The following UBE2D3 variants were observed in gnomAD, a reference collection of about 807,000 sequenced individuals.
UBE2D3 encodes ubiquitin-conjugating enzyme E2 D3.
UBE2D3 carries 2 observed loss-of-function variants against 22.8 expected under a neutral mutation model. The observed-to-expected ratio is 0.09, with a 90% CI of 0.04 to 0.28. UBE2D3 has a LOEUF of 0.28. Ranked by LOEUF, UBE2D3 falls within the 10% of genes least tolerant of loss-of-function variation. The pLI is 1.00. For missense variants in UBE2D3, 27 were observed against 182.5 expected, an observed-to-expected ratio of 0.15 and a Z score of 4.91; for synonymous variants, 56 against 60.4, an observed-to-expected ratio of 0.93 and a Z score of 0.34.
chr4:102,795,282 T>C lies in UBE2D3; in HGVS notation c.*2133A>G, dbSNP rs926325543. ...TATAAAGGTCAATTTGAAAGCCAGTTAGGGATCCACCGTGTTTCATAAAAG... is the reference window on the plus strand; with the variant it reads ...TATAAAGGTCAATTTGAAAGCCAGTCAGGGATCCACCGTGTTTCATAAAAG... On this transcript the variant is annotated 3_prime_UTR_variant, in exon 8 of 8. Coordinates refer to ENST00000453744, the MANE Select transcript of UBE2D3 (RefSeq NM_181891.3). The C allele has an allele frequency of 9.9e-5, 15 of 152,074 alleles. No individual in the cohort carries two copies. The highest frequency in any genetic ancestry group is 7.2e-4 in the Admixed American group (11 of 15,242). 9.4% of individuals were successfully genotyped at this position (152,074 alleles called of 1,614,324 possible).
chr4:102,851,831 T>A (rs1350714987), intron 1 of UBE2D3, among the ~76,000 whole-genome samples: 1 of 152,050 alleles, frequency 6.6e-6, no homozygotes, highest in East Asian at 1.9e-4. Flanking sequence ...CACACCTGGC[T>A]AATTTTTTTG....
chr4:102,858,974 A>G (rs1432136931), intron 1 of UBE2D3, among the ~76,000 whole-genome samples: 8 of 151,952 alleles, frequency 5.3e-5, no homozygotes, highest in African/African-American at 1.4e-4. Flanking sequence ...ATGTAACTCT[A>G]TACTTCCCTT....
At chr4:102,863,921 T>C (rs1016152466) in intron 1 of UBE2D3, among the ~76,000 whole-genome samples, 1 of 152,206 alleles carries the variant, frequency 6.6e-6, no homozygotes, top group Admixed American at 6.5e-5. Context: ...TCAATAGCCA[T>C]GTTATTAGTA....
chr4:102,868,875 C>G (rs1733320853), exon 1 of UBE2D3: 1 of 1,508,696 alleles, frequency 6.6e-7, no homozygotes. Flanking sequence ...CGCCAGTTCC[C>G]GCGCCTCGGC....
chr4:102,865,491 C>CAAAAAAAA, intron 1 of UBE2D3, among the ~76,000 whole-genome samples: 1 of 66,728 alleles, frequency 1.5e-5, no homozygotes, highest in Non-Finnish European at 3.1e-5. Context: ...CTGTCTCAAC[C>CAAAAAAAA]AAAAAAAAAA....
chr4:102,866,867 T>G (rs927904325), intron 1 of UBE2D3, among the ~76,000 whole-genome samples: 2 of 152,184 alleles, frequency 1.3e-5, no homozygotes, highest in Non-Finnish European at 2.9e-5. Context: ...TATCTAGTTG[T>G]ACCCAAGGGT....
At chr4:102,827,014 C>G in intron 1 of UBE2D3, 1 of 993,772 alleles carries the variant, frequency 1.0e-6, no homozygotes, top group Non-Finnish European at 1.2e-6. Flanking sequence ...AGACTCCGGA[C>G]GGACGCCGGG....
intron 1 of UBE2D3, among the ~76,000 whole-genome samples, chr4:102,846,086 T>C (rs1732027886): frequency 6.6e-6 from 1 of 152,162 alleles, no homozygotes; most frequent in Admixed American, 6.5e-5. Flanking sequence ...CCACTGTGTC[T>C]GTCTTGTCTC....
chr4:102,845,950 C>A (rs1325591876), intron 1 of UBE2D3, among the ~76,000 whole-genome samples: 1 of 152,068 alleles, frequency 6.6e-6, no homozygotes, highest in Non-Finnish European at 1.5e-5. Flanking sequence ...ACCATCACAC[C>A]CAGCTAATTT....
intron 1 of UBE2D3, among the ~76,000 whole-genome samples, chr4:102,850,154 A>T (rs1325289860): frequency 6.6e-6 from 1 of 152,218 alleles, no homozygotes; most frequent in Non-Finnish European, 1.5e-5. Context: ...TGGTGAAAAT[A>T]TACATTACAT....
chr4:102,843,344 G>C (rs765064365), intron 1 of UBE2D3: 3 of 151,394 alleles, frequency 2.0e-5, no homozygotes, highest in Non-Finnish European at 2.9e-5. Flanking sequence ...CTTGCTACTG[G>C]TACCTGGAAG....
intron 1 of UBE2D3, among the ~76,000 whole-genome samples, chr4:102,853,781 A>G (rs895366769): frequency 1.3e-5 from 2 of 152,176 alleles, no homozygotes; most frequent in Non-Finnish European, 2.9e-5. Context: ...TGAATGAACT[A>G]TCTATTCAAA....
intron 1 of UBE2D3, among the ~76,000 whole-genome samples, chr4:102,837,741 G>A (rs1297291921): frequency 2.0e-5 from 3 of 152,186 alleles, no homozygotes; most frequent in Non-Finnish European, 2.9e-5. Context: ...CACGAGGTCA[G>A]GAGATCGAGA....
intron 1 of UBE2D3, among the ~76,000 whole-genome samples, chr4:102,849,422 C>T (rs223359): frequency 0.55 from 81,370 of 149,018 alleles, 22,690 homozygotes; most frequent in African/African-American, 0.68. Context: ...ATTAATAATT[C>T]TGTTTATCAA....
At chr4:102,825,423 G>A (rs796192957) in intron 2 of UBE2D3, 2 of 1,098,434 alleles carry the variant, frequency 1.8e-6, no homozygotes, top group East Asian at 7.7e-5. Context: ...GAGGATCTTA[G>A]AGCAGTGCAC....
chr4:102,867,953 T>G (rs1430016814), intron 1 of UBE2D3, among the ~76,000 whole-genome samples: 1 of 152,158 alleles, frequency 6.6e-6, no homozygotes, highest in Admixed American at 6.5e-5. Context: ...AGTGTATTTA[T>G]GTGTGGCCCA....
At chr4:102,823,033 C>T (rs181618873) in intron 2 of UBE2D3, among the ~76,000 whole-genome samples, 2 of 152,322 alleles carry the variant, frequency 1.3e-5, no homozygotes, top group Admixed American at 1.3e-4. Flanking sequence ...AGTTGTGTGA[C>T]TAGACGACTA....
intron 6 of UBE2D3, among the ~76,000 whole-genome samples, chr4:102,801,135 C>T (rs754608166): frequency 4.6e-5 from 7 of 151,684 alleles, no homozygotes; most frequent in African/African-American, 1.4e-4. Context: ...GTAAAAAGGC[C>T]GCAAGTTAGT....
chr4:102,801,262 T>C (rs1726109577), intron 6 of UBE2D3, among the ~76,000 whole-genome samples, 192 bp downstream of exon 6: 1 of 151,968 alleles, frequency 6.6e-6, no homozygotes, highest in African/African-American at 2.4e-5. Flanking sequence ...CTCACCACAA[T>C]TTGAATTTTA....
Sources: allele counts gnomAD v4.1 joint callset (sites outside exome capture counted in the v4.1 genomes callset), GRCh38; gene constraint gnomAD v4.1.1; transcripts MANE v1.5; gene names NCBI Gene and HGNC (gene_info 2026-07-23, HGNC 2026-07-21).